The following DIP2C variants were observed in gnomAD, a reference collection of about 807,000 sequenced individuals.
The protein encoded by DIP2C is DIP2 acetate--CoA ligase C (putative).
Under a neutral mutation model 192.4 loss-of-function variants are expected in DIP2C, and 33 were observed. The ratio of observed to expected loss-of-function variants is 0.17; its 90% CI spans 0.13 to 0.23. The LOEUF is 0.23. Ranked by LOEUF, DIP2C falls within the 10% of genes least tolerant of loss-of-function variation. The pLI, the probability that DIP2C is intolerant of heterozygous loss-of-function variation, is 1.00. For missense variants in DIP2C, 1,537 were observed against 2,110.1 expected (o/e 0.73, Z 5.32); for synonymous variants, 979 against 864.1 (o/e 1.13, Z -2.33).
chr10:363,395 C>A lies in DIP2C; in HGVS notation c.2478-84G>T. ...CCGCCATCAGGGGCTCCATAACCATCACTAGTGAGTGACACAGCTCCAACT... is the reference window on the plus strand; with the variant it reads ...CCGCCATCAGGGGCTCCATAACCATAACTAGTGAGTGACACAGCTCCAACT... On this transcript the variant is annotated intron_variant, in intron 20 of 36. Transcript: ENST00000280886. The surrounding 1 kb of genome is among the most constrained non-coding windows in gnomAD (Gnocchi z 5.4). The A allele has an allele frequency of 1.7e-6, 2 of 1,168,236 alleles. No individual in the cohort carries two copies. Among genetic ancestry groups the A allele is most frequent in the Non-Finnish European group, 1.2e-6 (1 of 803,822 alleles). 72.4% of individuals were successfully genotyped at this position (1,168,236 alleles called of 1,614,324 possible).
chr10:676,077 AT>A lies in DIP2C; in HGVS notation c.85+13416del, dbSNP rs1051031044. Among the ~76,000 whole-genome samples, 103 of 152,220 alleles carry A rather than the reference AT, an allele frequency of 6.8e-4. 1 individual carries two copies. The highest frequency in any genetic ancestry group is 6.2e-3 in the Admixed American group (94 of 15,274). The stretch of plus-strand genomic sequence containing the variant: ...ATATTATACACCACGATCAAGTGGG[AT>A]TTCTCCCAGGATGCAAGGATGGCTC... On this transcript the variant is annotated intron_variant, in intron 1 of 36. Coordinates refer to ENST00000280886, the MANE Select transcript of DIP2C (RefSeq NM_014974.3).
chr10:422,170 A>G (rs1409342371), intron 5 of DIP2C, among the ~76,000 whole-genome samples: 1 of 152,204 alleles, frequency 6.6e-6, no homozygotes, highest in African/African-American at 2.4e-5. Context: ...AGACACACAC[A>G]AAACCCTATT....
At chr10:545,603 G>C (rs1427503603) in intron 1 of DIP2C, among the ~76,000 whole-genome samples, 2 of 152,196 alleles carry the variant, frequency 1.3e-5, no homozygotes, top group Non-Finnish European at 2.9e-5. Flanking sequence ...CCTGCACCTT[G>C]ACCCCAGGCT....
intron 1 of DIP2C, among the ~76,000 whole-genome samples, chr10:634,609 G>A (rs530589401): frequency 1.3e-5 from 2 of 152,208 alleles, no homozygotes; most frequent in African/African-American, 4.8e-5. Context: ...AAATTTAGCT[G>A]GGTGTGTTGG....
At chr10:588,318 A>AG (rs1851201635) in intron 1 of DIP2C, among the ~76,000 whole-genome samples, 1 of 152,264 alleles carries the variant, frequency 6.6e-6, no homozygotes, top group South Asian at 2.1e-4. Context: ...GGGAAGGACC[A>AG]GGACTGTGTC....
At chr10:317,054 CA>C (rs1956807017) in intron 31 of DIP2C, among the ~76,000 whole-genome samples, 1 of 152,046 alleles carries the variant, frequency 6.6e-6, no homozygotes, top group South Asian at 2.1e-4. Context: ...TTCTACATCT[CA>C]ATAAAAAATG....
intron 2 of DIP2C, among the ~76,000 whole-genome samples, chr10:479,532 C>CA (rs894126687): frequency 3.9e-5 from 6 of 151,948 alleles, no homozygotes; most frequent in Non-Finnish European, 8.8e-5. Flanking sequence ...GATGGGGTTT[C>CA]AACATGTTAG....
intron 4 of DIP2C, among the ~76,000 whole-genome samples, chr10:439,283 C>G (rs763239486): frequency 6.7e-6 from 1 of 149,630 alleles, no homozygotes; most frequent in Non-Finnish European, 1.5e-5. Flanking sequence ...TTTGCTAGCA[C>G]GGCGTTCACT....
chr10:628,011 A>G (rs1259108489), intron 1 of DIP2C, among the ~76,000 whole-genome samples: 1 of 152,222 alleles, frequency 6.6e-6, no homozygotes, highest in African/African-American at 2.4e-5. Context: ...AGGTCTTTAA[A>G]TATCAACACT....
chr10:281,621 G>A (rs1954826499), intron 35 of DIP2C, among the ~76,000 whole-genome samples: 1 of 152,228 alleles, frequency 6.6e-6, no homozygotes, highest in Admixed American at 6.5e-5. Context: ...CTGATTGCAT[G>A]TTCATCGGGA....
At chr10:448,171 G>A (rs370007614) in intron 3 of DIP2C, among the ~76,000 whole-genome samples, 11 of 106,932 alleles carry the variant, frequency 1.0e-4, no homozygotes, top group Admixed American at 3.6e-4. Flanking sequence ...GCTCACTCCC[G>A]TCGATACTCA....
At chr10:618,370 C>T (rs966149361) in intron 1 of DIP2C, among the ~76,000 whole-genome samples, 1 of 152,232 alleles carries the variant, frequency 6.6e-6, no homozygotes, top group Non-Finnish European at 1.5e-5. Flanking sequence ...AAGCTCCTTC[C>T]CACTGACATG....
chr10:611,810 T>C (rs1853119242), intron 1 of DIP2C, among the ~76,000 whole-genome samples: 1 of 152,154 alleles, frequency 6.6e-6, no homozygotes, highest in South Asian at 2.1e-4. Context: ...CGTACTAACA[T>C]GATATTCAGA....
chr10:320,814 G>A (rs1236606926), intron 31 of DIP2C, among the ~76,000 whole-genome samples: 3 of 152,208 alleles, frequency 2.0e-5, no homozygotes, highest in Admixed American at 2.0e-4. Flanking sequence ...TCACAGAGCA[G>A]AAGCGACATG....
chr10:284,319 G>A (rs1284229920), intron 34 of DIP2C, among the ~76,000 whole-genome samples: 1 of 152,232 alleles, frequency 6.6e-6, no homozygotes, highest in Non-Finnish European at 1.5e-5. Flanking sequence ...AAGTGAAACT[G>A]AGAGAGACAG....
chr10:414,707 A>ATGTGTG lies in DIP2C; in HGVS notation c.860-603_860-598dup, dbSNP rs71199933. ...CCAGCTAATTTTAGAGTGTGTATGT[A>ATGTGTG]TGTGTGTGTGTGTGTGTGTGTGTGT... On this transcript the variant is annotated intron_variant, in intron 7 of 36. Coordinates refer to ENST00000280886, the MANE Select transcript of DIP2C (RefSeq NM_014974.3). Among the ~76,000 whole-genome samples the ATGTGTG allele has an allele frequency of 3.2e-3, 155 of 47,806 alleles. 2 individuals carry two copies. Among genetic ancestry groups the ATGTGTG allele is most frequent in the Middle Eastern group, 0.011 (1 of 88 alleles). The allele number at this position is 47,806 out of a possible 152,430, so 31.4% of individuals were successfully genotyped here. A position where few individuals can be genotyped will look rare whatever the true frequency, so the allele number is the denominator to read the frequency against.
chr10:300,868 G>A (rs892619539), intron 32 of DIP2C, among the ~76,000 whole-genome samples: 2 of 152,290 alleles, frequency 1.3e-5, no homozygotes, highest in South Asian at 2.1e-4. Flanking sequence ...TGGAGAAACC[G>A]GAACTCGCTC....
intron 1 of DIP2C, among the ~76,000 whole-genome samples, chr10:556,816 TCA>T (rs1023677829): frequency 3.4e-4 from 52 of 152,182 alleles, no homozygotes; most frequent in African/African-American, 1.1e-3. Context: ...GTGCCTTGAG[TCA>T]CAGAGAGGAA....
Position 286,344 on chromosome 10 carries a change from G to C in DIP2C, c.4048C>G (p.Leu1350Val), listed in dbSNP as rs757508049. 4.3e-6 allele frequency: 7 copies of C among 1,614,150 alleles called. No homozygotes were observed. The East Asian group carries it at 1.6e-4, about 36-fold the overall frequency. ...SLPLMESGKI[L>V]PGVRIIIANP... is the part of the protein sequence containing the mutation. ...GCAATTATAATCCGAACCCCTGGAA[G>C]TATCTATTTGGGAGAGGAAAAGTCT... Residue 1350 changes from leucine to valine, a missense_variant, in exon 34 of 37, where the codon CTT (leucine) becomes GTT (valine). Leu to Val is a conservative substitution (Grantham distance 32). Transcript: ENST00000280886.
Sources: gnomAD v4.1 joint callset for allele counts (sites outside exome capture counted in the v4.1 genomes callset) on GRCh38, gnomAD v4.1.1 for gene constraint, Gnocchi (gnomAD v3.1) non-coding constraint, MANE v1.5 for transcripts, NCBI Gene and HGNC (gene_info 2026-07-23, HGNC 2026-07-21) for gene names.